Variants in ZNF718 observed in about 807,000 individuals in gnomAD.
ZNF718 encodes the protein zinc finger protein 718.
In ZNF718, 3 loss-of-function variants were observed where a neutral mutation model predicts 2.6. That is an observed-to-expected ratio of 1.16 (90% CI 0.53 to 3.01). The LOEUF (loss-of-function observed/expected upper bound fraction) is 3.01, where lower values mean the gene tolerates loss of function less well. Among genes scored for constraint, ZNF718 ranks in the 30% most tolerant of loss-of-function variants. ZNF718 has a pLI of 0.03. For missense variants in ZNF718, 468 were observed against 230.0 expected (o/e 2.03, Z -6.69); for synonymous variants, 135 against 77.9 (o/e 1.73, Z -3.86).
At chr4:143,059 C>A (rs1715882760) in intron 3 of ZNF718, among the ~76,000 whole-genome samples, 1 of 152,172 alleles carries the variant, frequency 6.6e-6, no homozygotes, top group Non-Finnish European at 1.5e-5. Context: ...AAGAAACGTG[C>A]AACCATGAGA....
chr4:201,493 C>T (rs76125013), intron 4 of ZNF718: 19,808 of 153,482 alleles, frequency 0.13, 1,731 homozygotes, highest in Admixed American at 0.24. Context: ...GGTGGACCTA[C>T]TGGCCTCTGA....
At chr4:201,290 G>A (rs782587845) in intron 4 of ZNF718, 10 of 152,434 alleles carry the variant, frequency 6.6e-5, no homozygotes, top group Non-Finnish European at 1.0e-4. Flanking sequence ...GTCCTAATCA[G>A]TAAAACTACT....
intron 3 of ZNF718, among the ~76,000 whole-genome samples, chr4:145,815 G>A (rs1716027449): frequency 6.6e-6 from 1 of 151,320 alleles, no homozygotes; most frequent in South Asian, 2.1e-4. Flanking sequence ...TTTTATTCAT[G>A]TATTTATTTT....
chr4:170,709 A>G (rs1553817800), intron 3 of ZNF718, among the ~76,000 whole-genome samples: 1 of 152,074 alleles, frequency 6.6e-6, no homozygotes. Flanking sequence ...CAGGTCCCTT[A>G]AGGACTTCTC....
At position 162,285 on chromosome 4, in the gene ZNF718, T is replaced by TA; in HGVS notation, c.*164dup. The TA allele has an allele frequency of 2.0e-6, 1 of 492,340 alleles. No individual in the cohort carries two copies. The allele number at this position is 492,340 out of a possible 1,614,324, so 30.5% of individuals were successfully genotyped here. A position where few individuals can be genotyped will look rare whatever the true frequency, so the allele number is the denominator to read the frequency against. On this transcript the variant is annotated 3_prime_UTR_variant, in exon 4 of 4. Coordinates refer to ENST00000510175, the MANE Select transcript of ZNF718 (RefSeq NM_001039127.6). ...TGGTATTGGTGAGAAGCCATAAAAA[T>TA]ATGAAAAATGTGGAAAAGCCTTCAA...
At chr4:144,944 A>AT (rs201228705) in intron 3 of ZNF718, among the ~76,000 whole-genome samples, 2,550 of 149,870 alleles carry the variant, frequency 0.017, 77 homozygotes, top group African/African-American at 0.057. Context: ...TTTGTGACAG[A>AT]TTTTTTTTTT....
chr4:194,779 C>T (rs1553821787), intron 3 of ZNF718, among the ~76,000 whole-genome samples: 2 of 152,166 alleles, frequency 1.3e-5, no homozygotes, highest in African/African-American at 4.8e-5. Flanking sequence ...CTCCAGAATA[C>T]ATCTTAGGGG....
chr4:162,499 C>T lies in ZNF718; in HGVS notation c.*377C>T, dbSNP rs1031734716. 1 of 163,862 alleles carries T rather than the reference C, an allele frequency of 6.1e-6. No individual in the cohort carries two copies. Among genetic ancestry groups the T allele is most frequent in the South Asian group, 1.8e-4 (1 of 5,592 alleles). 10.2% of individuals were successfully genotyped at this position (163,862 alleles called of 1,614,324 possible). A position where few individuals can be genotyped will look rare whatever the true frequency, so the allele number is the denominator to read the frequency against. Reference sequence around the variant, plus strand: ...TGCCTACTCATGTGTTACTAAATATCAGAGAGTTTGTACTTAATAAAAGGA... The same window carrying T: ...TGCCTACTCATGTGTTACTAAATATTAGAGAGTTTGTACTTAATAAAAGGA... On this transcript the variant is annotated 3_prime_UTR_variant, in exon 4 of 4. Transcript: ENST00000510175.
intron 3 of ZNF718, among the ~76,000 whole-genome samples, chr4:172,851 T>A (rs1449837255): frequency 6.6e-6 from 1 of 151,944 alleles, no homozygotes; most frequent in South Asian, 2.1e-4. Flanking sequence ...GTCAAGAGAT[T>A]GAGACCATCC....
In ZNF718 at chr4:192,383, T is replaced by G. The variant is rs186459595; in HGVS notation, c.227-8698T>G. 3.9e-5 allele frequency among the ~76,000 whole-genome samples: 6 copies of G among 152,316 alleles called. No homozygotes were observed. In the East Asian group the frequency reaches 1.2e-3, roughly 29 times the overall value. On this transcript the variant is annotated intron_variant and NMD_transcript_variant, in intron 3 of 4. Coordinates refer to the ZNF718 transcript ENST00000642529. ...ATTTGACTATTTCTTTACCTCTTGC[T>G]TTTAGCTTAATTTGTATTTTAGTGA...
chr4:140,845 G>A (rs1553810136), intron 3 of ZNF718, among the ~76,000 whole-genome samples: 2 of 152,186 alleles, frequency 1.3e-5, no homozygotes, highest in African/African-American at 4.8e-5. Context: ...TCAAGTTCAT[G>A]TGACTTAAAG....
At chr4:146,606 A>G (rs1716076031) in intron 3 of ZNF718, among the ~76,000 whole-genome samples, 1 of 152,108 alleles carries the variant, frequency 6.6e-6, no homozygotes. Context: ...ATTTTAACAC[A>G]TTATATCTTT....
chr4:176,724 T>C (rs1717352547), intron 3 of ZNF718, among the ~76,000 whole-genome samples: 1 of 152,206 alleles, frequency 6.6e-6, no homozygotes, highest in African/African-American at 2.4e-5. Context: ...AGGTTTCAAG[T>C]CTTTTATTCC....
intron 3 of ZNF718, among the ~76,000 whole-genome samples, chr4:142,491 A>T (rs1193284837): frequency 6.6e-6 from 1 of 152,202 alleles, no homozygotes; most frequent in Non-Finnish European, 1.5e-5. Context: ...CACTCCTGTT[A>T]ACCCACACCG....
chr4:161,826 A>T lies in ZNF718; in HGVS notation c.1141A>T (p.Thr381Ser), dbSNP rs1716886266. ...ECGKAFNWSS[T>S]LNVHKRIHSG... is the part of the protein sequence containing the mutation. Reference sequence around the variant, plus strand: ...TGGAAAAGCCTTTAATTGGTCCTCAACCCTTAATGTACACAAGAGAATTCA... The same window carrying T: ...TGGAAAAGCCTTTAATTGGTCCTCATCCCTTAATGTACACAAGAGAATTCA... The change falls in exon 4 of 4, where the codon ACC becomes TCC. Residue 381 changes from threonine (T) to serine (S), a missense_variant. By Grantham distance (58) the Thr-to-Ser change is moderately conservative. Coordinates refer to ENST00000510175, the MANE Select transcript of ZNF718 (RefSeq NM_001039127.6). 5 of 780,710 alleles carry T rather than the reference A, an allele frequency of 6.4e-6. No homozygotes were observed. Among genetic ancestry groups the T allele is most frequent in the Admixed American group, 1.7e-5 (1 of 59,000 alleles). The allele number at this position is 780,710 out of a possible 1,614,324, so 48.4% of individuals were successfully genotyped here. A position where few individuals can be genotyped will look rare whatever the true frequency, so the allele number is the denominator to read the frequency against.
chr4:158,337 G>A (rs1480708467), intron 3 of ZNF718, among the ~76,000 whole-genome samples: 3 of 151,896 alleles, frequency 2.0e-5, no homozygotes, highest in Non-Finnish European at 2.9e-5. Flanking sequence ...TTCAGTGCAT[G>A]TATTTTGAAT....
At chr4:160,523 G>A (rs1716775595) in intron 3 of ZNF718, among the ~76,000 whole-genome samples, 1 of 152,074 alleles carries the variant, frequency 6.6e-6, no homozygotes. Context: ...AATTGTATTA[G>A]ATTTGTAAAG....
chr4:155,910 G>A (rs549299008), intron 3 of ZNF718, among the ~76,000 whole-genome samples: 2 of 152,270 alleles, frequency 1.3e-5, no homozygotes, highest in East Asian at 1.9e-4. Context: ...GAGGGACCCA[G>A]TGGGAGATAA....
Position 151,358 on chromosome 4 carries a change from G to A in ZNF718, c.227-9554G>A, listed in dbSNP as rs1272483564. On this transcript the variant is annotated intron_variant, in intron 3 of 3. Transcript: ENST00000510175. ...TGAGCTCAGGCAGTCTGCCCAGTTT[G>A]GCCTCCCAAAGTGCTAGGATTACAG... 2.0e-5 allele frequency among the ~76,000 whole-genome samples: 3 copies of A among 152,054 alleles called. No individual in the cohort carries two copies. The East Asian group carries it at 5.8e-4, about 29-fold the overall frequency.
Sources: gnomAD v4.1 joint callset for allele counts (sites outside exome capture counted in the v4.1 genomes callset) on GRCh38, gnomAD v4.1.1 for gene constraint, MANE v1.5 for transcripts, NCBI Gene and HGNC (gene_info 2026-07-23, HGNC 2026-07-21) for gene names.